CDH10: variants seen among roughly 807,000 people sequenced by gnomAD.
The protein encoded by CDH10 is cadherin-10.
CDH10 carries 30 observed loss-of-function variants against 73.1 expected under a neutral mutation model. The observed-to-expected ratio is 0.41, with a 90% CI of 0.31 to 0.56. CDH10 has a LOEUF of 0.56. Ranked by LOEUF, CDH10 falls within the 20% of genes least tolerant of loss-of-function variation. The pLI, the probability that CDH10 is intolerant of heterozygous loss-of-function variation, is 0.27. For synonymous variants in CDH10, 345 were observed against 348.2 expected, an observed-to-expected ratio of 0.99 and a Z score of 0.10; for missense variants, 815 against 973.7, an observed-to-expected ratio of 0.84 and a Z score of 2.17.
chr5:24,570,110 G>A (rs113009755), intron 2 of CDH10, among the ~76,000 whole-genome samples: 2,203 of 152,110 alleles, frequency 0.014, 62 homozygotes, highest in African/African-American at 0.05. Flanking sequence ...TCTGAAATTG[G>A]TCCAATTTTC....
intron 1 of CDH10, among the ~76,000 whole-genome samples, chr5:24,604,457 G>C (rs2112126143): frequency 6.6e-6 from 1 of 152,208 alleles, no homozygotes; most frequent in African/African-American, 2.4e-5. Flanking sequence ...TTTGTAATTG[G>C]TAAAGATTTC....
At chr5:24,495,217 T>TA (rs1322319955) in intron 9 of CDH10, among the ~76,000 whole-genome samples, 5 of 152,262 alleles carry the variant, frequency 3.3e-5, no homozygotes, top group East Asian at 3.9e-4. Flanking sequence ...CCATTTCCAA[T>TA]AAAAAAGTTT....
intron 2 of CDH10, among the ~76,000 whole-genome samples, chr5:24,569,818 A>G (rs983779483): frequency 2.6e-5 from 4 of 151,274 alleles, no homozygotes; most frequent in Admixed American, 2.6e-4. Context: ...GCTGGAGTGC[A>G]GTGGCGTGAT....
At chr5:24,489,109 C>T (rs972223686) in intron 11 of CDH10, among the ~76,000 whole-genome samples, 1 of 151,826 alleles carries the variant, frequency 6.6e-6, no homozygotes, top group Non-Finnish European at 1.5e-5. Flanking sequence ...AAAGTGTGAA[C>T]TCAATTAGAT....
In CDH10 at chr5:24,537,475, G is replaced by A. The variant is rs2111893967; in HGVS notation, c.431C>T (p.Ser144Leu). Reference protein sequence around the residue: ...RRTLRPVEPESEFVIKIHDIN... With the variant: ...RRTLRPVEPELEFVIKIHDIN... ...ATCATGAATTTTGATCACAAACTCT[G>A]ACTCTGGCTCTACTGGCCTCAGAGT... Residue 144 changes from serine (S) to leucine (L), a missense_variant, in exon 3 of 12, where the codon TCA becomes TTA. Coordinates refer to ENST00000264463, the MANE Select transcript of CDH10 (RefSeq NM_006727.5). The A allele has an allele frequency of 6.2e-7, 1 of 1,612,718 alleles. No homozygotes were observed.
At chr5:24,605,479 A>C (rs1399067595) in intron 1 of CDH10, among the ~76,000 whole-genome samples, 1 of 152,220 alleles carries the variant, frequency 6.6e-6, no homozygotes, top group Admixed American at 6.5e-5. Flanking sequence ...TCTGAGGTGG[A>C]ACAGTCATCC....
chr5:24,592,354 CAT>C (rs770956851), intron 2 of CDH10, among the ~76,000 whole-genome samples: 3 of 151,796 alleles, frequency 2.0e-5, no homozygotes, highest in Non-Finnish European at 4.4e-5. Flanking sequence ...GTAGTGTTAA[CAT>C]GTGATTTATG....
intron 1 of CDH10, among the ~76,000 whole-genome samples, chr5:24,599,705 A>G (rs1016360296): frequency 6.6e-6 from 1 of 152,174 alleles, no homozygotes; most frequent in South Asian, 2.1e-4. Flanking sequence ...CTGGCCATTA[A>G]CAATCTACTT....
Position 24,599,214 on chromosome 5 carries a change from T to C in CDH10, c.-123-5601A>G, listed in dbSNP as rs151232613. ...AGGATTTATTTCATTATGTGGAGAA[T>C]GGTAGCAAGAATGCTCTGAGGGTTA... is the stretch of plus-strand genomic sequence containing the variant. On this transcript the variant is annotated intron_variant, in intron 1 of 11. Transcript: ENST00000264463. Among the ~76,000 whole-genome samples, 582 of 152,264 alleles carry C rather than the reference T, an allele frequency of 3.8e-3. 8 individuals are homozygous for C. Among genetic ancestry groups the C allele is most frequent in the African/African-American group, 0.013 (561 of 41,572 alleles).
rs144801388 is a variant in CDH10 at position 24,585,081 on chromosome 5, C to G, written c.231+8179G>C. ...CAGGCTGATCTCGAACTCCCAGTCT[C>G]AAGCAATCTTCGCTTCGGTCTCCCA... On this transcript the variant is annotated intron_variant, in intron 2 of 11. Coordinates refer to ENST00000264463, the MANE Select transcript of CDH10 (RefSeq NM_006727.5). 4.0e-4 allele frequency among the ~76,000 whole-genome samples: 61 copies of G among 152,186 alleles called. 2 individuals carry two copies. Among genetic ancestry groups the G allele is most frequent in the African/African-American group, 1.1e-3 (46 of 41,532 alleles).
At chr5:24,510,065 T>C (rs1188740120) in intron 6 of CDH10, among the ~76,000 whole-genome samples, 2 of 152,056 alleles carry the variant, frequency 1.3e-5, no homozygotes, top group African/African-American at 4.8e-5. Context: ...CTTGGAAAAA[T>C]TGGGATGGAA....
At chr5:24,526,171 T>G (rs1743524488) in intron 5 of CDH10, among the ~76,000 whole-genome samples, 1 of 151,978 alleles carries the variant, frequency 6.6e-6, no homozygotes, top group Non-Finnish European at 1.5e-5. Flanking sequence ...TACTGAGGGA[T>G]ACTGTCCAAG....
rs143196281 is a variant in CDH10, at chr5:24,554,119, G to GAGAGAGAGAGAGAGAGA, written c.232-16446_232-16445insTCTCTCTCTCTCTCTCT. The GAGAGAGAGAGAGAGAGA allele has an allele frequency of 1.6e-3, 63 of 39,778 alleles. 10 individuals are homozygous for GAGAGAGAGAGAGAGAGA. The highest frequency in any genetic ancestry group is 4.6e-3 in the African/African-American group (56 of 12,250). The allele number at this position is 39,778 out of a possible 1,614,324, so 2.5% of individuals were successfully genotyped here. A position where few individuals can be genotyped will look rare whatever the true frequency, so the allele number is the denominator to read the frequency against. ...AGAGAAGGGGAGGTGGGCGGGGGGG[G>GAGAGAGAGAGAGAGAGA]GAGAGAGAGAGACATTCAATCAGCC... On this transcript the variant is annotated intron_variant, in intron 2 of 11. Transcript: ENST00000264463.
chr5:24,565,479 A>T (rs1431586321), intron 2 of CDH10, among the ~76,000 whole-genome samples: 1 of 152,192 alleles, frequency 6.6e-6, no homozygotes, highest in Non-Finnish European at 1.5e-5. Context: ...AATCTGTACA[A>T]AATTGTTGAA....
chr5:24,635,448 G>A (rs1046942255), intron 1 of CDH10, among the ~76,000 whole-genome samples: 1 of 151,770 alleles, frequency 6.6e-6, no homozygotes, highest in South Asian at 2.1e-4. Flanking sequence ...TCCTCCTCTC[G>A]AGTCTTTCCT....
intron 1 of CDH10, among the ~76,000 whole-genome samples, chr5:24,608,050 G>A (rs1389850425): frequency 6.6e-6 from 1 of 151,764 alleles, no homozygotes; most frequent in Non-Finnish European, 1.5e-5. Flanking sequence ...AATCTTCGGA[G>A]GAAAAACACT....
chr5:24,544,603 C>G (rs1471926240), intron 2 of CDH10, among the ~76,000 whole-genome samples: 2 of 152,162 alleles, frequency 1.3e-5, no homozygotes, highest in Non-Finnish European at 2.9e-5. Flanking sequence ...AGGGATTCCT[C>G]TTTCCCATTT....
rs2111598434 is a variant in CDH10 at position 24,487,683 on chromosome 5, C to T, written c.2347G>A (p.Glu783Lys). ...NKLAEMYGGGESDKDS is the reference protein window; with the variant it reads ...NKLAEMYGGGKSDKDS ...CTACGTTAAGAGTCTTTGTCACTTTCCCCACCACCATACATTTCTGCTAGC... is the reference window on the plus strand; with the variant it reads ...CTACGTTAAGAGTCTTTGTCACTTTTCCCACCACCATACATTTCTGCTAGC... The change falls in exon 12 of 12, where the codon GAA becomes AAA. Residue 783 changes from glutamate (E) to lysine (K), a missense_variant. Glu to Lys is a moderately conservative substitution (Grantham distance 56). This residue lies in a region of CDH10 where 241 missense variants were observed against 240.3 expected (regional missense o/e 1.00). Transcript: ENST00000264463. The T allele has an allele frequency of 3.1e-6, 5 of 1,612,212 alleles. No homozygotes were observed. Among genetic ancestry groups the T allele is most frequent in the South Asian group, 1.1e-5 (1 of 90,984 alleles).
intron 5 of CDH10, among the ~76,000 whole-genome samples, chr5:24,526,741 C>T (rs1350398895): frequency 6.6e-6 from 1 of 151,858 alleles, no homozygotes; most frequent in African/African-American, 2.4e-5. Context: ...TGCTTCATTG[C>T]TATCAAAATA....
Sources: gnomAD v4.1 joint callset for allele counts (sites outside exome capture counted in the v4.1 genomes callset) on GRCh38, gnomAD v4.1.1 for gene constraint, gnomAD v4.1.1 regional missense constraint, MANE v1.5 for transcripts, NCBI Gene and HGNC (gene_info 2026-07-23, HGNC 2026-07-21) for gene names.